HMBOX1: variants seen among roughly 807,000 people sequenced by gnomAD.
HMBOX1 encodes the protein homeobox-containing protein 1.
A neutral mutation model predicts 54.5 loss-of-function variants in HMBOX1; 14 were observed. The ratio of observed to expected loss-of-function variants is 0.26; its 90% CI spans 0.17 to 0.40. The LOEUF is 0.40. HMBOX1 is among the 10% of genes least tolerant of loss of function. The pLI is 1.00. For synonymous variants in HMBOX1, 160 were observed against 181.0 expected, an observed-to-expected ratio of 0.88 and a Z score of 0.93; for missense variants, 332 against 514.4, an observed-to-expected ratio of 0.65 and a Z score of 3.43.
intron 4 of HMBOX1, among the ~76,000 whole-genome samples, chr8:29,008,417 G>GTT: frequency 6.6e-6 from 1 of 152,162 alleles, no homozygotes; most frequent in East Asian, 1.9e-4. Flanking sequence ...TTTGTGGAAA[G>GTT]CTTGTGTTGG....
intron 3 of HMBOX1, among the ~76,000 whole-genome samples, chr8:28,977,801 G>T (rs552530992): frequency 2.8e-4 from 43 of 152,030 alleles, no homozygotes; most frequent in South Asian, 6.2e-4. Flanking sequence ...AAAATTAGCC[G>T]GGCGTAATGG....
intron 1 of HMBOX1, among the ~76,000 whole-genome samples, chr8:28,952,976 CTACAGT>C (rs1334716076): frequency 2.6e-5 from 4 of 152,184 alleles, no homozygotes; most frequent in Admixed American, 2.6e-4. Context: ...TATAGCAGAA[CTACAGT>C]TCTGCTAAGA....
intron 3 of HMBOX1, among the ~76,000 whole-genome samples, chr8:28,979,009 T>C (rs748211828): frequency 1.3e-5 from 2 of 152,214 alleles, no homozygotes; most frequent in African/African-American, 2.4e-5. Context: ...GTCAAATTGA[T>C]TGCAAATGTC....
chr8:28,976,308 G>A (rs1213221171), intron 3 of HMBOX1, among the ~76,000 whole-genome samples: 2 of 152,136 alleles, frequency 1.3e-5, no homozygotes, highest in Non-Finnish European at 2.9e-5. Context: ...TTGATTCTAT[G>A]TATTACAGAC....
intron 4 of HMBOX1, among the ~76,000 whole-genome samples, chr8:28,983,111 A>G (rs1307995339): frequency 1.3e-5 from 2 of 152,184 alleles, no homozygotes; most frequent in East Asian, 1.9e-4. Context: ...TGCCATATCT[A>G]TGGGATTTGG....
chr8:29,042,859 G>C (rs954160515), intron 6 of HMBOX1: 1 of 347,552 alleles, frequency 2.9e-6, no homozygotes, highest in Non-Finnish European at 5.7e-6. Context: ...TTTTGTTTTT[G>C]TAACTGATGG....
intron 1 of HMBOX1, 45 bp downstream of exon 1, chr8:28,890,723 C>G (rs1220542022): frequency 6.5e-6 from 1 of 152,730 alleles, no homozygotes; most frequent in Admixed American, 6.5e-5. Context: ...AGTCTCTTTC[C>G]TCACTTCTTT....
chr8:28,912,904 CTTAAG>C (rs773923412), intron 1 of HMBOX1, among the ~76,000 whole-genome samples: 1 of 152,126 alleles, frequency 6.6e-6, no homozygotes, highest in Non-Finnish European at 1.5e-5. Flanking sequence ...AAAAAACATA[CTTAAG>C]TTTTCTCCAC....
intron 1 of HMBOX1, among the ~76,000 whole-genome samples, chr8:28,952,239 T>C (rs565478096): frequency 7.2e-5 from 11 of 151,762 alleles, no homozygotes; most frequent in Admixed American, 7.2e-4. Context: ...TATTTATTTA[T>C]TTAGTTGTAT....
At chr8:28,951,949 C>T (rs1823490292) in intron 1 of HMBOX1, among the ~76,000 whole-genome samples, 1 of 152,060 alleles carries the variant, frequency 6.6e-6, no homozygotes, top group Admixed American at 6.5e-5. Flanking sequence ...AGGAGGAACA[C>T]TTAAGCCCGA....
intron 1 of HMBOX1, among the ~76,000 whole-genome samples, chr8:28,948,329 G>C (rs971801100): frequency 3.8e-4 from 58 of 152,112 alleles, no homozygotes; most frequent in African/African-American, 1.4e-3. Flanking sequence ...CCATGCAACA[G>C]GTGCTTAGTA....
chr8:29,040,051 C>G (rs1214659106), intron 6 of HMBOX1, among the ~76,000 whole-genome samples: 4 of 152,092 alleles, frequency 2.6e-5, no homozygotes, highest in Non-Finnish European at 5.9e-5. Flanking sequence ...TCTCCAATGC[C>G]TGCAGCCTGT....
At chr8:28,986,537 T>C (rs1830187703) in intron 4 of HMBOX1, among the ~76,000 whole-genome samples, 1 of 152,150 alleles carries the variant, frequency 6.6e-6, no homozygotes, top group African/African-American at 2.4e-5. Context: ...GGATCTCCAA[T>C]TTGAAGGCTA....
At chr8:28,911,317 A>G (rs2131666780) in intron 1 of HMBOX1, among the ~76,000 whole-genome samples, 1 of 152,354 alleles carries the variant, frequency 6.6e-6, no homozygotes, top group South Asian at 2.1e-4. Flanking sequence ...TGATTAGGAC[A>G]GCAATACTGT....
chr8:28,901,147 T>A (rs554850013), intron 1 of HMBOX1, among the ~76,000 whole-genome samples: 1 of 152,310 alleles, frequency 6.6e-6, no homozygotes, highest in East Asian at 1.9e-4. Flanking sequence ...ATCTTATTAT[T>A]AGTTGTCCTG....
At chr8:28,946,106 C>T (rs1445375930) in intron 1 of HMBOX1, among the ~76,000 whole-genome samples, 1 of 151,912 alleles carries the variant, frequency 6.6e-6, no homozygotes, top group Non-Finnish European at 1.5e-5. Flanking sequence ...GTGCCCACCA[C>T]TATGCCCAGC....
intron 1 of HMBOX1, among the ~76,000 whole-genome samples, chr8:28,955,130 T>A (rs1824179470): frequency 6.6e-6 from 1 of 152,196 alleles, no homozygotes; most frequent in African/African-American, 2.4e-5. Flanking sequence ...GGAATTCTTA[T>A]AATTTTATCA....
intron 1 of HMBOX1, among the ~76,000 whole-genome samples, chr8:28,944,973 C>A (rs971989322): frequency 6.6e-6 from 1 of 152,050 alleles, no homozygotes; most frequent in African/African-American, 2.4e-5. Context: ...TGGATTTCTG[C>A]GCATTTAGGA....
chr8:28,922,427 C>T (rs1281097866), intron 1 of HMBOX1, among the ~76,000 whole-genome samples: 1 of 152,130 alleles, frequency 6.6e-6, no homozygotes, highest in Non-Finnish European at 1.5e-5. Flanking sequence ...TAGGACAACA[C>T]TTTGTTGGGC....
Sources: gnomAD v4.1 joint callset for allele counts (sites outside exome capture counted in the v4.1 genomes callset) on GRCh38, gnomAD v4.1.1 for gene constraint, MANE v1.5 for transcripts, NCBI Gene and HGNC (gene_info 2026-07-23, HGNC 2026-07-21) for gene names.